Variants in HDAC8 observed in about 807,000 individuals in gnomAD.
HDAC8 encodes the protein histone deacetylase 8, also known as histone deacetylase-like 1.
HDAC8 carries 1 observed loss-of-function variant against 32.2 expected under a neutral mutation model. The ratio of observed to expected loss-of-function variants is 0.03; its 90% CI spans 0.01 to 0.15. The LOEUF (loss-of-function observed/expected upper bound fraction) is 0.15. Among genes scored for constraint, HDAC8 ranks in the 10% least tolerant of loss-of-function variants. The probability of loss-of-function intolerance (pLI) is 1.00; values close to 1 mark genes in which losing one functional copy is unlikely to be tolerated. For synonymous variants in HDAC8, 108 were observed against 113.9 expected, an observed-to-expected ratio of 0.95 and a Z score of 0.33; for missense variants, 117 against 300.0, an observed-to-expected ratio of 0.39 and a Z score of 4.51.
intron 9 of HDAC8, among the ~76,000 whole-genome samples, chrX:72,399,941 G>C: frequency 9.0e-6 from 1 of 111,619 alleles, no homozygotes; most frequent in East Asian, 2.8e-4. Context: ...TCTTGTCAAG[G>C]CTACCCATGA....
chrX:72,559,332 G>A (rs1471208912), intron 4 of HDAC8, among the ~76,000 whole-genome samples: 3 of 109,579 alleles, frequency 2.7e-5, no homozygotes, highest in East Asian at 2.9e-4. Flanking sequence ...TCGGCCTCCC[G>A]AGGTGCCGGG....
chrX:72,389,245 A>G (rs1349295408), intron 9 of HDAC8, among the ~76,000 whole-genome samples: 1 of 112,003 alleles, frequency 8.9e-6, no homozygotes, highest in Non-Finnish European at 1.9e-5. Context: ...GAGCATTCAT[A>G]GCTAAAAAAG....
chrX:72,543,557 A>G (rs1166909694), intron 4 of HDAC8, among the ~76,000 whole-genome samples: 3 of 111,667 alleles, frequency 2.7e-5, no homozygotes, highest in African/African-American at 9.8e-5. Flanking sequence ...CAATGTCCCA[A>G]TGTCCCGAGA....
At chrX:72,485,278 T>A (rs184226436) in intron 7 of HDAC8, among the ~76,000 whole-genome samples, 1 of 111,985 alleles carries the variant, frequency 8.9e-6, no homozygotes, top group African/African-American at 3.2e-5. Context: ...TGGGAAGCTT[T>A]TGGGAATTAG....
At chrX:72,505,948 C>G (rs1420997767) in intron 4 of HDAC8, among the ~76,000 whole-genome samples, 1 of 111,856 alleles carries the variant, frequency 8.9e-6, no homozygotes, top group Non-Finnish European at 1.9e-5. Flanking sequence ...ATCCTCCAAA[C>G]TAACTTTTCC....
intron 9 of HDAC8, among the ~76,000 whole-genome samples, chrX:72,442,894 T>G (rs1450345300): frequency 3.6e-5 from 4 of 109,605 alleles, no homozygotes; most frequent in African/African-American, 1.0e-4. Flanking sequence ...TCCTAGTCTC[T>G]GATCAAACAG....
At chrX:72,394,394 A>T (rs2045701101) in intron 9 of HDAC8, among the ~76,000 whole-genome samples, 1 of 112,132 alleles carries the variant, frequency 8.9e-6, no homozygotes, top group Non-Finnish European at 1.9e-5. Context: ...TCACCACAAA[A>T]TTCTGTGGTT....
At chrX:72,485,799 C>T (rs1312012756) in intron 7 of HDAC8, among the ~76,000 whole-genome samples, 2 of 111,323 alleles carry the variant, frequency 1.8e-5, no homozygotes, top group African/African-American at 6.5e-5. Flanking sequence ...AGGAGTGAGC[C>T]AGAGAACCAG....
At chrX:72,485,014 G>A (rs1285383357) in intron 7 of HDAC8, among the ~76,000 whole-genome samples, 3 of 111,762 alleles carry the variant, frequency 2.7e-5, no homozygotes, top group Non-Finnish European at 5.6e-5. Context: ...CTTTCGCAAA[G>A]CAGCCTCCCT....
At chrX:72,565,856 A>G (rs781976525) in intron 4 of HDAC8, among the ~76,000 whole-genome samples, 4 of 111,302 alleles carry the variant, frequency 3.6e-5, no homozygotes, top group Non-Finnish European at 5.7e-5. Flanking sequence ...TGAATTTAAA[A>G]AAAAGGCAGG....
chrX:72,344,220 T>C (rs782520014), intron 10 of HDAC8, among the ~76,000 whole-genome samples: 276 of 111,683 alleles, frequency 2.5e-3, no homozygotes, highest in Middle Eastern at 4.6e-3. Context: ...TACTTTTTTT[T>C]TTCCTGACTA....
intron 4 of HDAC8, among the ~76,000 whole-genome samples, chrX:72,525,345 C>T (rs2050106835): frequency 9.0e-6 from 1 of 110,808 alleles, no homozygotes; most frequent in South Asian, 3.9e-4. Context: ...CAGACGAAAG[C>T]TTGGTACACA....
intron 10 of HDAC8, among the ~76,000 whole-genome samples, chrX:72,336,654 G>A (rs1555942593): frequency 9.0e-6 from 1 of 111,498 alleles, no homozygotes; most frequent in Non-Finnish European, 1.9e-5. Flanking sequence ...CTGGCCTCAA[G>A]CAATCCTCCC....
At chrX:72,356,060 T>G (rs2044346419) in intron 9 of HDAC8, among the ~76,000 whole-genome samples, 2 of 112,365 alleles carry the variant, frequency 1.8e-5, no homozygotes, top group Admixed American at 9.4e-5. Context: ...AACTTAATTC[T>G]CACAACCAAC....
rs1329968203 is a variant in HDAC8, at chrX:72,438,919, A to G, written c.1005+23085T>C. Reference sequence around the variant, plus strand: ...GATATTATCCAGGAGAACTTCCCCAACATAGCAAGACAGGCCAACATTCAA... The same window carrying G: ...GATATTATCCAGGAGAACTTCCCCAGCATAGCAAGACAGGCCAACATTCAA... On this transcript the variant is annotated intron_variant, in intron 9 of 10. Transcript: ENST00000373573. 1.8e-5 allele frequency among the ~76,000 whole-genome samples: 2 copies of G among 112,078 alleles called. 1 individual carries two copies. Among genetic ancestry groups the G allele is most frequent in the Admixed American group, 1.9e-4 (2 of 10,583 alleles).
chrX:72,447,690 C>T (rs1431160559), intron 9 of HDAC8, among the ~76,000 whole-genome samples: 1 of 111,965 alleles, frequency 8.9e-6, no homozygotes, highest in Non-Finnish European at 1.9e-5. Context: ...TAGAAAACCC[C>T]ATCATCTCAG....
intron 9 of HDAC8, among the ~76,000 whole-genome samples, chrX:72,415,766 A>G (rs188762180): frequency 8.9e-6 from 1 of 112,217 alleles, no homozygotes; most frequent in Non-Finnish European, 1.9e-5. Context: ...TTGATAGTAT[A>G]TAGAATTGAT....
intron 9 of HDAC8, among the ~76,000 whole-genome samples, chrX:72,370,598 A>C (rs1249210301): frequency 1.8e-5 from 2 of 110,974 alleles, no homozygotes; most frequent in African/African-American, 6.7e-5. Flanking sequence ...TGACCTCATG[A>C]TCCACCTGCC....
intron 4 of HDAC8, among the ~76,000 whole-genome samples, chrX:72,514,961 A>G (rs2049739064): frequency 8.9e-6 from 1 of 111,891 alleles, no homozygotes; most frequent in South Asian, 3.7e-4. Flanking sequence ...GGTATACAAT[A>G]TGATGATTTG....
Sources: gnomAD v4.1 joint callset for allele counts (sites outside exome capture counted in the v4.1 genomes callset) on GRCh38, gnomAD v4.1.1 for gene constraint, MANE v1.5 for transcripts, NCBI Gene and HGNC (gene_info 2026-07-23, HGNC 2026-07-21) for gene names.